Variants in ZNF83 observed in about 807,000 individuals in gnomAD.
ZNF83 encodes the protein zinc finger protein 83, also known as zinc finger protein 816B.
For synonymous variants in ZNF83, 209 were observed against 213.0 expected, an observed-to-expected ratio of 0.98 and a Z score of 0.17; for missense variants, 552 against 629.9, an observed-to-expected ratio of 0.88 and a Z score of 1.32.
intron 2 of ZNF83, among the ~76,000 whole-genome samples, chr19:52,632,867 A>ATTGT (rs1247754870): frequency 6.6e-6 from 1 of 151,794 alleles, no homozygotes; most frequent in African/African-American, 2.4e-5. Context: ...CTTACCACAA[A>ATTGT]ATCTTCCTTC....
intron 1 of ZNF83, among the ~76,000 whole-genome samples, chr19:52,671,943 A>G (rs577629229): frequency 1.4e-4 from 21 of 152,306 alleles, no homozygotes; most frequent in African/African-American, 5.1e-4. Context: ...TAACTAAGTT[A>G]TAAAATTGGC....
At chr19:52,667,794 T>C (rs1414099363) in intron 1 of ZNF83, among the ~76,000 whole-genome samples, 1 of 152,194 alleles carries the variant, frequency 6.6e-6, no homozygotes, top group African/African-American at 2.4e-5. Flanking sequence ...TCTTACCTTA[T>C]GGTCAGACAT....
chr19:52,686,140 G>C (rs1366453506), intron 1 of ZNF83, among the ~76,000 whole-genome samples: 2 of 152,148 alleles, frequency 1.3e-5, no homozygotes, highest in South Asian at 2.1e-4. Context: ...ATCTTTACCA[G>C]GTACACACTG....
At chr19:52,613,310 GA>G in exon 3 of ZNF83, 1 of 1,614,138 alleles carries the variant, frequency 6.2e-7, no homozygotes, top group Middle Eastern at 1.6e-4. Flanking sequence ...ATTCTCCAAT[GA>G]TATGCAAGGT....
intron 1 of ZNF83, among the ~76,000 whole-genome samples, chr19:52,667,047 T>A (rs1023508901): frequency 6.6e-6 from 1 of 152,084 alleles, no homozygotes; most frequent in African/African-American, 2.4e-5. Context: ...CTGAACAAGG[T>A]CTTATTAATA....
intron 2 of ZNF83, among the ~76,000 whole-genome samples, chr19:52,621,040 C>T (rs1313392159): frequency 6.6e-6 from 1 of 152,172 alleles, no homozygotes; most frequent in Non-Finnish European, 1.5e-5. Flanking sequence ...CTGCCTGCAC[C>T]CAGGTAAAAT....
intron 1 of ZNF83, among the ~76,000 whole-genome samples, chr19:52,672,589 AAATT>A (rs1369967023): frequency 6.6e-6 from 1 of 152,222 alleles, no homozygotes; most frequent in Non-Finnish European, 1.5e-5. Context: ...TATGTTTTAA[AAATT>A]AATTAAGTTA....
At chr19:52,684,474 A>G (rs117775659) in intron 1 of ZNF83, among the ~76,000 whole-genome samples, 12,374 of 150,956 alleles carry the variant, frequency 0.082, 655 homozygotes, top group South Asian at 0.18. Context: ...ACTTGAAGCT[A>G]GGAGACAGAG....
chr19:52,630,416 G>T (rs2060911618), intron 2 of ZNF83, among the ~76,000 whole-genome samples: 3 of 152,072 alleles, frequency 2.0e-5, no homozygotes, highest in South Asian at 4.1e-4. Flanking sequence ...ACTGTTGTGG[G>T]TATTGACAGC....
At chr19:52,614,561 G>A in exon 3 of ZNF83, 1 of 1,582,590 alleles carries the variant, frequency 6.3e-7, no homozygotes, top group South Asian at 1.2e-5. Context: ...TTTCTCCCAT[G>A]CATGTCTCTT....
At chr19:52,651,108 A>G (rs1198925853) in intron 3 of ZNF83, 2 of 152,226 alleles carry the variant, frequency 1.3e-5, no homozygotes, top group Non-Finnish European at 2.9e-5. Flanking sequence ...CAGATTGGTG[A>G]TACTGACTTG....
At chr19:52,623,453 A>ATATTCTTTTATGCACTCCTTTTTAG (rs1227491794) in intron 2 of ZNF83, among the ~76,000 whole-genome samples, 1 of 152,094 alleles carries the variant, frequency 6.6e-6, no homozygotes, top group Non-Finnish European at 1.5e-5. Context: ...AACTTGAACA[A>ATATTCTTTTATGCACTCCTTTTTAG]TATTCTTTTA....
chr19:52,657,050 A>G (rs2061515277), intron 2 of ZNF83, among the ~76,000 whole-genome samples: 1 of 151,946 alleles, frequency 6.6e-6, no homozygotes, highest in Non-Finnish European at 1.5e-5. Flanking sequence ...TGGAGAGCAG[A>G]GTTTGAAGTG....
At chr19:52,658,982 C>T (rs543445716) in intron 2 of ZNF83, among the ~76,000 whole-genome samples, 6 of 152,202 alleles carry the variant, frequency 3.9e-5, no homozygotes, top group Admixed American at 1.3e-4. Context: ...TGCTCAGGGC[C>T]GGCTCTTGGT....
intron 1 of ZNF83, among the ~76,000 whole-genome samples, chr19:52,675,306 C>A (rs117645372): frequency 0.11 from 16,528 of 152,202 alleles, 1,199 homozygotes; most frequent in Non-Finnish European, 0.15. Context: ...GATCCTAGGC[C>A]TGAAGGATCC....
At chr19:52,630,915 A>C (rs1089758) in intron 2 of ZNF83, among the ~76,000 whole-genome samples, 1 of 151,266 alleles carries the variant, frequency 6.6e-6, no homozygotes, top group Admixed American at 6.6e-5. Flanking sequence ...CAGGATCTGC[A>C]CCTTATCAAC....
intron 2 of ZNF83, among the ~76,000 whole-genome samples, chr19:52,619,862 G>A (rs2060469220): frequency 6.6e-6 from 1 of 152,080 alleles, no homozygotes; most frequent in Non-Finnish European, 1.5e-5. Context: ...ACTCCAGCCT[G>A]TTCAACAGAA....
chr19:52,679,180 G>C (rs1322337467), intron 1 of ZNF83, among the ~76,000 whole-genome samples: 1 of 152,208 alleles, frequency 6.6e-6, no homozygotes, highest in African/African-American at 2.4e-5. Flanking sequence ...AGCCTCATAG[G>C]AGGCTGTGAG....
intron 1 of ZNF83, among the ~76,000 whole-genome samples, chr19:52,683,389 C>CT (rs1190062203): frequency 6.6e-6 from 1 of 152,128 alleles, no homozygotes; most frequent in Non-Finnish European, 1.5e-5. Flanking sequence ...TGTTTGCACT[C>CT]TGATTCTTGG....
Sources: gnomAD v4.1 joint callset for allele counts (sites outside exome capture counted in the v4.1 genomes callset) on GRCh38, gnomAD v4.1.1 for gene constraint, MANE v1.5 for transcripts, NCBI Gene and HGNC (gene_info 2026-07-23, HGNC 2026-07-21) for gene names.